Variants in ABLIM1 observed in about 807,000 individuals in gnomAD.
ABLIM1 encodes the protein actin binding LIM protein 1, also known as actin-binding LIM protein 1.
Under a neutral mutation model 107.0 loss-of-function variants are expected in ABLIM1, and 40 were observed. The ratio of observed to expected loss-of-function variants is 0.37; its 90% CI spans 0.29 to 0.49. The LOEUF is 0.49. Among genes scored for constraint, ABLIM1 ranks in the 20% least tolerant of loss-of-function variants. The pLI, the probability that ABLIM1 is intolerant of heterozygous loss-of-function variation, is 0.97. For synonymous variants in ABLIM1, 357 were observed against 357.3 expected, an observed-to-expected ratio of 1.00 and a Z score of 0.01; for missense variants, 857 against 1,008.5, an observed-to-expected ratio of 0.85 and a Z score of 2.04.
chr10:114,582,034 A>G (rs780004009), intron 2 of ABLIM1, among the ~76,000 whole-genome samples: 1 of 152,190 alleles, frequency 6.6e-6, no homozygotes, highest in Non-Finnish European at 1.5e-5. Flanking sequence ...GGCAAGAGAA[A>G]GAAAGAAAAG....
At chr10:114,460,776 G>A (rs1046531520) in intron 12 of ABLIM1, among the ~76,000 whole-genome samples, 4 of 152,128 alleles carry the variant, frequency 2.6e-5, no homozygotes, top group Non-Finnish European at 4.4e-5. Flanking sequence ...AGCAAGTGAC[G>A]GAGATCATAT....
intron 1 of ABLIM1, among the ~76,000 whole-genome samples, chr10:114,620,948 C>G (rs1225749923): frequency 6.6e-6 from 1 of 152,164 alleles, no homozygotes; most frequent in African/African-American, 2.4e-5. Context: ...ATTCTCGGGG[C>G]ATCCATACGT....
intron 1 of ABLIM1, among the ~76,000 whole-genome samples, chr10:114,764,201 C>T (rs186110175): frequency 6.6e-6 from 1 of 152,260 alleles, no homozygotes; most frequent in East Asian, 1.9e-4. Context: ...AGTTACAAGT[C>T]TTTGATGAGA....
At chr10:114,465,119 AT>A (rs1221485444) in intron 12 of ABLIM1, among the ~76,000 whole-genome samples, 1 of 152,146 alleles carries the variant, frequency 6.6e-6, no homozygotes. Flanking sequence ...GTTGGAAATG[AT>A]TTTGTTTTCC....
In ABLIM1 at chr10:114,617,256, CT is replaced by C. The variant is rs780987027; in HGVS notation, c.245-15296del. ...CAAATTTAATTCTTCTCACTACCTA[CT>C]TTTTTTTTTTTTTTTTTTTTTGAGA... On this transcript the variant is annotated intron_variant, in intron 1 of 22. Coordinates refer to ENST00000533213, the MANE Select transcript of ABLIM1 (RefSeq NM_002313.7). 4.1e-3 allele frequency among the ~76,000 whole-genome samples: 496 copies of C among 120,460 alleles called. 3 individuals carry two copies. Among genetic ancestry groups the C allele is most frequent in the South Asian group, 9.1e-3 (32 of 3,514 alleles). The allele number at this position is 120,460 out of a possible 152,430, so 79.0% of individuals were successfully genotyped here.
the ABLIM1 span, among the ~76,000 whole-genome samples, chr10:114,798,988 G>C: frequency 6.6e-6 from 1 of 151,926 alleles, no homozygotes; most frequent in Non-Finnish European, 1.5e-5. Context: ...TAGAGATGGG[G>C]TGGGTCTCAC....
At chr10:114,584,893 C>A (rs1373401855) in intron 2 of ABLIM1, among the ~76,000 whole-genome samples, 2 of 152,120 alleles carry the variant, frequency 1.3e-5, no homozygotes, top group Non-Finnish European at 2.9e-5. Context: ...AAATCTTTGA[C>A]TGCACAGTAA....
chr10:114,521,230 C>T (rs2063684252), intron 6 of ABLIM1, among the ~76,000 whole-genome samples: 1 of 152,186 alleles, frequency 6.6e-6, no homozygotes, highest in South Asian at 2.1e-4. Context: ...ATAATCTGCG[C>T]TACCAAGAAG....
At chr10:114,491,012 G>GTGTGTGTGTATGTATATATATATA in intron 7 of ABLIM1, among the ~76,000 whole-genome samples, 1 of 92,396 alleles carries the variant, frequency 1.1e-5, no homozygotes, top group African/African-American at 4.6e-5. Context: ...GTGTGTGTGT[G>GTGTGTGTGTATGTATATATATATA]TATATATATA....
chr10:114,565,207 A>T (rs1361250495), intron 4 of ABLIM1, among the ~76,000 whole-genome samples: 1 of 152,206 alleles, frequency 6.6e-6, no homozygotes, highest in Non-Finnish European at 1.5e-5. Flanking sequence ...GTTTTTGGAG[A>T]TGCTGTCATA....
chr10:114,466,897 G>A (rs2065288636), intron 11 of ABLIM1, among the ~76,000 whole-genome samples: 1 of 152,194 alleles, frequency 6.6e-6, no homozygotes, highest in Non-Finnish European at 1.5e-5. Context: ...AGTGGCTCAT[G>A]CCTGTAATTT....
chr10:114,722,353 A>T lies in ABLIM1; in HGVS notation c.-213+45708T>A, dbSNP rs190635628. Reference sequence around the variant, plus strand: ...CTTTTAAACAACCAGATCTCGTGAGAACTCACTCACTATCACGAGAACAGC... The same window carrying T: ...CTTTTAAACAACCAGATCTCGTGAGTACTCACTCACTATCACGAGAACAGC... On this transcript the variant is annotated intron_variant, in intron 1 of 15. Coordinates refer to the ABLIM1 transcript ENST00000651092. 5.4e-3 allele frequency among the ~76,000 whole-genome samples: 827 copies of T among 152,242 alleles called. 6 individuals are homozygous for T. Among genetic ancestry groups the T allele is most frequent in the African/African-American group, 0.019 (776 of 41,532 alleles).
At chr10:114,611,792 TTCC>T (rs1405849055) in intron 1 of ABLIM1, among the ~76,000 whole-genome samples, 4 of 152,180 alleles carry the variant, frequency 2.6e-5, no homozygotes, top group East Asian at 1.9e-4. Context: ...TTGGTGCCTT[TTCC>T]TCCTCCTCCT....
intron 16 of ABLIM1, among the ~76,000 whole-genome samples, chr10:114,444,485 T>G (rs1338328953): frequency 6.6e-6 from 1 of 152,180 alleles, no homozygotes; most frequent in Non-Finnish European, 1.5e-5. Flanking sequence ...TGGTATCCTT[T>G]AAAAAGAAAT....
At chr10:114,452,010 T>C (rs539498892) in intron 13 of ABLIM1, among the ~76,000 whole-genome samples, 7 of 152,176 alleles carry the variant, frequency 4.6e-5, no homozygotes, top group African/African-American at 1.4e-4. Flanking sequence ...GAGAAAGACA[T>C]AACCAGCTTG....
chr10:114,774,318 A>T, the ABLIM1 span, among the ~76,000 whole-genome samples: 1 of 152,208 alleles, frequency 6.6e-6, no homozygotes. Flanking sequence ...TATGAATGCC[A>T]TGGCTTCTGA....
At chr10:114,602,042 G>T (rs1456025119) in intron 1 of ABLIM1, 81 bp from the exon 2 acceptor site, 1 of 1,566,056 alleles carries the variant, frequency 6.4e-7, no homozygotes, top group East Asian at 2.3e-5. Flanking sequence ...CTGTAATTTT[G>T]GTGTCAAATG....
chr10:114,491,902 G>T, intron 6 of ABLIM1, 24 bp from the exon 7 acceptor site: 4 of 1,567,592 alleles, frequency 2.6e-6, no homozygotes, highest in Admixed American at 1.7e-5. Flanking sequence ...GGTAGGGAAC[G>T]TTGAGTCTGC....
At chr10:114,579,432 A>G (rs751895179) in intron 2 of ABLIM1, among the ~76,000 whole-genome samples, 1 of 152,194 alleles carries the variant, frequency 6.6e-6, no homozygotes, top group Non-Finnish European at 1.5e-5. Flanking sequence ...TAAAAATCCC[A>G]TTTTTAGATA....
Sources: allele counts gnomAD v4.1 joint callset (sites outside exome capture counted in the v4.1 genomes callset), GRCh38; gene constraint gnomAD v4.1.1; transcripts MANE v1.5; gene names NCBI Gene and HGNC (gene_info 2026-07-23, HGNC 2026-07-21).